The following GPR157 variants were observed in gnomAD, a reference collection of about 807,000 sequenced individuals.
GPR157 encodes G protein-coupled receptor 157.
A neutral mutation model predicts 23.5 loss-of-function variants in GPR157; 16 were observed. The ratio of observed to expected loss-of-function variants is 0.68; its 90% confidence interval spans 0.46 to 1.04. The LOEUF (loss-of-function observed/expected upper bound fraction) is 1.04. Ranked by LOEUF, GPR157 falls within the 50% of genes least tolerant of loss-of-function variation. The pLI is 0.00. For synonymous variants in GPR157, 200 were observed against 221.5 expected, an observed-to-expected ratio of 0.90 and a Z score of 0.86; for missense variants, 440 against 460.7, an observed-to-expected ratio of 0.96 and a Z score of 0.41.
intron 1 of GPR157, among the ~76,000 whole-genome samples, chr1:9,112,382 C>G (rs985550722): frequency 6.6e-6 from 1 of 152,134 alleles, no homozygotes; most frequent in Non-Finnish European, 1.5e-5. Flanking sequence ...GGGAACAGAA[C>G]CTGGCAAGGG....
chr1:9,121,840 G>A (rs374924267), intron 1 of GPR157, among the ~76,000 whole-genome samples: 3 of 152,166 alleles, frequency 2.0e-5, no homozygotes, highest in African/African-American at 7.2e-5. Flanking sequence ...ACGGGGGCTA[G>A]ACCCTGCTGG....
chr1:9,123,775 A>T (rs572985110), intron 1 of GPR157, among the ~76,000 whole-genome samples: 2,030 of 130,302 alleles, frequency 0.016, 60 homozygotes, highest in African/African-American at 0.054. Flanking sequence ...TATATTTAAT[A>T]TTAAATATAT....
intron 1 of GPR157, among the ~76,000 whole-genome samples, chr1:9,122,487 A>C (rs142022172): frequency 3.3e-5 from 5 of 152,308 alleles, no homozygotes; most frequent in African/African-American, 4.8e-5. Context: ...AAAAGGGAAA[A>C]GAGTTAACTT....
intron 1 of GPR157, among the ~76,000 whole-genome samples, chr1:9,116,673 C>A (rs182309897): frequency 6.7e-6 from 1 of 148,796 alleles, no homozygotes; most frequent in African/African-American, 2.5e-5. Context: ...TTGATTGAAC[C>A]GGGGAGGTGG....
In GPR157 at chr1:9,125,997, C is replaced by T. The variant is rs572758549; in HGVS notation, c.383+2648G>A. Among the ~76,000 whole-genome samples, 4 of 146,398 alleles carry T rather than the reference C, an allele frequency of 2.7e-5. No homozygotes were observed. In the East Asian group the frequency reaches 6.0e-4, roughly 22 times the overall value. On this transcript the variant is annotated intron_variant, in intron 1 of 3. Coordinates refer to ENST00000377411, the MANE Select transcript of GPR157 (RefSeq NM_024980.5). ...TTTTTTTTTTTGATATGGAGACTTG[C>T]TCTATCACCCAGGCTGGAGTGCAGT...
rs1008132152 is a variant in GPR157 at position 9,128,589 on chromosome 1, G to C, written c.383+56C>G. ...ACGCGGCCTCTGGGAGGGCAAGACCGGGAGGGGTCGGCCTGTGTCGGGGGC... is the reference window on the plus strand; with the variant it reads ...ACGCGGCCTCTGGGAGGGCAAGACCCGGAGGGGTCGGCCTGTGTCGGGGGC... On this transcript the variant is annotated intron_variant, in intron 1 of 3. Transcript: ENST00000377411. This position sits in a 1 kb window ranked among gnomAD's most constrained non-coding sequence, Gnocchi z 6.3. 1 of 1,546,666 alleles carries C rather than the reference G, an allele frequency of 6.5e-7. No homozygotes were observed.
Position 9,105,795 on chromosome 1 carries a change from G to A in GPR157, c.598-115C>T, listed in dbSNP as rs1330020204. 4.9e-6 allele frequency: 4 copies of A among 820,356 alleles called. No individual in the cohort carries two copies. In the East Asian group the frequency reaches 8.0e-5, roughly 16 times the overall value. The allele number at this position is 820,356 out of a possible 1,614,324, so 50.8% of individuals were successfully genotyped here. A position where few individuals can be genotyped will look rare whatever the true frequency, so the allele number is the denominator to read the frequency against. ...ACTAGCTCAGGGAGGTAGGGGAGAT[G>A]TGTGGTGGAGCCCGGATCCTTCTCC... On this transcript the variant is annotated intron_variant, in intron 2 of 3. Transcript: ENST00000377411. The surrounding 1 kb of genome is among the most constrained non-coding windows in gnomAD (Gnocchi z 4.8).
In GPR157 at chr1:9,118,579, C is replaced by T. The variant is rs555261094; in HGVS notation, c.384-7090G>A. ...GTCGGCTTCCTTCCCACTCAGAGGC[C>T]GTTAAGGGTTCAATTGTGTCCCCTA... On this transcript the variant is annotated intron_variant, in intron 1 of 3. Transcript: ENST00000377411. The surrounding 1 kb of genome is among the most constrained non-coding windows in gnomAD (Gnocchi z 4.6). Among the ~76,000 whole-genome samples the T allele has an allele frequency of 1.5e-4, 23 of 152,232 alleles. No individual in the cohort carries two copies. Among genetic ancestry groups the T allele is most frequent in the Non-Finnish European group, 2.8e-4 (19 of 68,008 alleles).
chr1:9,125,014 C>A (rs1029296799), intron 1 of GPR157, among the ~76,000 whole-genome samples: 1 of 152,122 alleles, frequency 6.6e-6, no homozygotes, highest in Non-Finnish European at 1.5e-5. Flanking sequence ...GGCGACCCCC[C>A]TGTTGGACCC....
chr1:9,128,371 G>A lies in GPR157; in HGVS notation c.383+274C>T, dbSNP rs1297072547. ...GAGTGTCCTCCCCAGCCCCGTCCAA[G>A]GAAACAGGGCCCGGCTCTGGGGGCG... On this transcript the variant is annotated intron_variant, in intron 1 of 3. Coordinates refer to ENST00000377411, the MANE Select transcript of GPR157 (RefSeq NM_024980.5). This position sits in a 1 kb window ranked among gnomAD's most constrained non-coding sequence, Gnocchi z 6.3. The A allele has an allele frequency of 1.5e-6, 1 of 678,798 alleles. No homozygotes were observed. The highest frequency in any genetic ancestry group is 2.0e-5 in the Admixed American group (1 of 49,168). 42.0% of individuals were successfully genotyped at this position (678,798 alleles called of 1,614,324 possible). A position where few individuals can be genotyped will look rare whatever the true frequency, so the allele number is the denominator to read the frequency against.
chr1:9,114,905 A>G (rs1323698257), intron 1 of GPR157, among the ~76,000 whole-genome samples: 6 of 137,430 alleles, frequency 4.4e-5, no homozygotes, highest in Non-Finnish European at 9.1e-5. Context: ...TGGGTGACAG[A>G]GCGAGACTCC....
chr1:9,128,740 C>A lies in GPR157; in HGVS notation c.288G>T (p.Trp96Cys). ...STFANTSSFF[W>C]TVAIALYLYL... The stretch of plus-strand genomic sequence containing the variant: ...ACAAGTAGAGCGCAATGGCCACGGT[C>A]CAGAAGAAGGAGCTGGTGTTGGCGA... The change falls in exon 1 of 4, where the codon TGG becomes TGT. Residue 96 changes from tryptophan to cysteine, a missense_variant. Coordinates refer to ENST00000377411, the MANE Select transcript of GPR157 (RefSeq NM_024980.5). This position sits in a 1 kb window ranked among gnomAD's most constrained non-coding sequence, Gnocchi z 6.3. 6.2e-7 allele frequency: 1 copy of A among 1,613,266 alleles called. No homozygotes were observed. The highest frequency in any genetic ancestry group is 8.5e-7 in the Non-Finnish European group (1 of 1,179,842).
intron 1 of GPR157, among the ~76,000 whole-genome samples, chr1:9,121,022 G>T (rs570166345): frequency 6.6e-6 from 1 of 152,250 alleles, no homozygotes; most frequent in Non-Finnish European, 1.5e-5. Context: ...GCAGTGCCAC[G>T]GTGAGCTCGT....
intron 1 of GPR157, among the ~76,000 whole-genome samples, chr1:9,122,509 A>C (rs1569973931): frequency 6.6e-6 from 1 of 152,186 alleles, no homozygotes; most frequent in East Asian, 1.9e-4. Context: ...CAGTGCAGGA[A>C]CTTGGCAGAT....
chr1:9,122,114 C>A (rs972216851), intron 1 of GPR157, among the ~76,000 whole-genome samples: 3 of 152,134 alleles, frequency 2.0e-5, no homozygotes, highest in African/African-American at 7.2e-5. Context: ...AAGGGCTGCG[C>A]CACTCTTGGA....
In GPR157 at chr1:9,108,255, C is replaced by T. The variant is rs75955087; in HGVS notation, c.598-2575G>A. ...CTTCTGCAACTAACCTGCTCAGAGC[C>T]GCCCTCCTCCTCCTCCTCCTCCTCC... On this transcript the variant is annotated intron_variant, in intron 2 of 3. Transcript: ENST00000377411. Among the ~76,000 whole-genome samples, 1,457 of 152,250 alleles carry T rather than the reference C, an allele frequency of 9.6e-3. 28 individuals are homozygous for T. Among genetic ancestry groups the T allele is most frequent in the African/African-American group, 0.033 (1,354 of 41,520 alleles).
rs559883184 is a variant in GPR157, at chr1:9,128,840, G to A, written c.188C>T (p.Ser63Phe). The change falls in exon 1 of 4, where the codon TCC (serine) becomes TTC (phenylalanine). Residue 63 changes from serine (S) to phenylalanine (F), a missense_variant. By Grantham distance (155) the Ser-to-Phe change is radical (BLOSUM62 -2). Coordinates refer to ENST00000377411, the MANE Select transcript of GPR157 (RefSeq NM_024980.5). The surrounding 1 kb of genome is among the most constrained non-coding windows in gnomAD (Gnocchi z 6.3). ...LSLADLLSAA[S>F]YFYGVLQNFA... ...GTTCTGCAGCACTCCGTAGAAGTAG[G>A]AGGCGGCCGAGAGCAGGTCGGCCAG... 3 of 1,601,038 alleles carry A rather than the reference G, an allele frequency of 1.9e-6. No homozygotes were observed. The East Asian group carries it at 6.8e-5, about 36-fold the overall frequency.
intron 1 of GPR157, among the ~76,000 whole-genome samples, chr1:9,112,734 T>C (rs113705892): frequency 8.5e-5 from 13 of 152,354 alleles, no homozygotes; most frequent in African/African-American, 3.1e-4. Context: ...ATTATAGGCC[T>C]GAGCCACCAT....
At position 9,129,015 on chromosome 1, in the gene GPR157, G is replaced by T. The variant is rs902324909; in HGVS notation, c.13C>A (p.Pro5Thr). MQPS[P>T]PPTELVPSER... is the part of the protein sequence containing the mutation. Reference sequence around the variant, plus strand: ...GACGGCACCAGCTCGGTGGGCGGCGGGGACGGCTGCATGGCGTGGGGGGCC... The same window carrying T: ...GACGGCACCAGCTCGGTGGGCGGCGTGGACGGCTGCATGGCGTGGGGGGCC... Residue 5 changes from proline (P) to threonine (T), a missense_variant, in exon 1 of 4, where the codon CCG (proline) becomes ACG (threonine). Transcript: ENST00000377411. 1.5e-6 allele frequency: 2 copies of T among 1,304,448 alleles called. No individual in the cohort carries two copies. The highest frequency in any genetic ancestry group is 1.5e-5 in the African/African-American group (1 of 64,572). 80.8% of individuals were successfully genotyped at this position (1,304,448 alleles called of 1,614,324 possible).
Sources: gnomAD v4.1 joint callset for allele counts (sites outside exome capture counted in the v4.1 genomes callset) on GRCh38, gnomAD v4.1.1 for gene constraint, Gnocchi (gnomAD v3.1) non-coding constraint, MANE v1.5 for transcripts, NCBI Gene and HGNC (gene_info 2026-07-23, HGNC 2026-07-21) for gene names.